The following VPS13B variants were observed in gnomAD, a reference collection of about 807,000 sequenced individuals.
The protein encoded by VPS13B is vacuolar protein sorting 13 homolog B, also known as intermembrane lipid transfer protein VPS13B.
In VPS13B, 285 loss-of-function variants were observed where a neutral mutation model predicts 426.4. That is an observed-to-expected ratio of 0.67 (90% CI 0.61 to 0.74). VPS13B has a LOEUF of 0.74. VPS13B is among the 30% of genes least tolerant of loss of function. The pLI is 0.00. For missense variants in VPS13B, 4,537 were observed against 4,782.6 expected, an observed-to-expected ratio of 0.95 and a Z score of 1.51; for synonymous variants, 1,676 against 1,676.4, an observed-to-expected ratio of 1.00 and a Z score of 0.01.
At chr8:99,428,715 C>T (rs867807235) in intron 21 of VPS13B, among the ~76,000 whole-genome samples, 6 of 152,186 alleles carry the variant, frequency 3.9e-5, no homozygotes, top group Middle Eastern at 3.2e-3. Flanking sequence ...TTGTGGAAGT[C>T]AGTGTGGTGA....
At chr8:99,511,862 G>A (rs577404847) in intron 29 of VPS13B, among the ~76,000 whole-genome samples, 29 of 152,246 alleles carry the variant, frequency 1.9e-4, no homozygotes, top group Non-Finnish European at 2.9e-4. Flanking sequence ...ACAAGGTCAA[G>A]CACAGTGGCT....
At chr8:99,264,079 C>G (rs1348620258) in intron 17 of VPS13B, among the ~76,000 whole-genome samples, 1 of 150,658 alleles carries the variant, frequency 6.6e-6, no homozygotes, top group Non-Finnish European at 1.5e-5. Flanking sequence ...TAATAACTGT[C>G]TTTTTTTTTG....
intron 43 of VPS13B, among the ~76,000 whole-genome samples, chr8:99,797,537 A>G (rs1812912144): frequency 6.6e-6 from 1 of 152,212 alleles, no homozygotes; most frequent in Admixed American, 6.5e-5. Flanking sequence ...ATATACACAG[A>G]AAAGAGGCAC....
chr8:99,512,062 C>T (rs574512457), intron 29 of VPS13B, among the ~76,000 whole-genome samples: 54 of 152,262 alleles, frequency 3.5e-4, no homozygotes, highest in Non-Finnish European at 6.8e-4. Flanking sequence ...TATTTGTATA[C>T]GAACCTTATA....
At chr8:99,546,541 G>T (rs978417417) in intron 30 of VPS13B, among the ~76,000 whole-genome samples, 4 of 151,966 alleles carry the variant, frequency 2.6e-5, no homozygotes, top group Non-Finnish European at 5.9e-5. Context: ...ATCAGCATCT[G>T]TAAAATGAAG....
At chr8:99,701,440 G>T (rs976034213) in intron 36 of VPS13B, among the ~76,000 whole-genome samples, 3 of 151,986 alleles carry the variant, frequency 2.0e-5, no homozygotes, top group Non-Finnish European at 2.9e-5. Flanking sequence ...TTATTCATTA[G>T]TTACTCATAT....
At chr8:99,404,900 C>T (rs987178613) in intron 21 of VPS13B, among the ~76,000 whole-genome samples, 2 of 152,154 alleles carry the variant, frequency 1.3e-5, no homozygotes, top group African/African-American at 4.8e-5. Flanking sequence ...AATGATAAAA[C>T]ACAATTCAGA....
intron 25 of VPS13B, among the ~76,000 whole-genome samples, chr8:99,496,541 C>G (rs1820892895): frequency 6.6e-6 from 1 of 152,080 alleles, no homozygotes; most frequent in Admixed American, 6.5e-5. Flanking sequence ...GTCCCAGCTA[C>G]TTCGGAGGCT....
At chr8:99,355,702 T>C (rs1264898613) in intron 19 of VPS13B, among the ~76,000 whole-genome samples, 4 of 152,240 alleles carry the variant, frequency 2.6e-5, no homozygotes, top group Non-Finnish European at 5.9e-5. Flanking sequence ...TTGTTCTAGC[T>C]GTGCCTTTTG....
At chr8:99,619,469 G>A (rs1474335877) in intron 33 of VPS13B, among the ~76,000 whole-genome samples, 1 of 152,202 alleles carries the variant, frequency 6.6e-6, no homozygotes, top group Non-Finnish European at 1.5e-5. Flanking sequence ...TTAAAATAGT[G>A]TAAATTTTGA....
chr8:99,137,204 T>C (rs563304335), intron 12 of VPS13B, among the ~76,000 whole-genome samples: 2 of 151,956 alleles, frequency 1.3e-5, no homozygotes, highest in Non-Finnish European at 2.9e-5. Flanking sequence ...ATTATTGTAT[T>C]ATTTTCTATT....
At chr8:99,084,968 G>A (rs1458623464) in intron 3 of VPS13B, among the ~76,000 whole-genome samples, 1 of 151,620 alleles carries the variant, frequency 6.6e-6, no homozygotes, top group Non-Finnish European at 1.5e-5. Context: ...TGTCTATTAG[G>A]TCTGCTTGGT....
chr8:99,145,862 T>A (rs1745587300), intron 13 of VPS13B, among the ~76,000 whole-genome samples: 1 of 151,842 alleles, frequency 6.6e-6, no homozygotes, highest in Non-Finnish European at 1.5e-5. Flanking sequence ...TTATTTTTTT[T>A]AAAGAAACTA....
intron 3 of VPS13B, chr8:99,091,803 C>G (rs1273129192): frequency 6.6e-6 from 1 of 152,188 alleles, no homozygotes; most frequent in Non-Finnish European, 1.5e-5. Context: ...TCCTAAAAGC[C>G]TTGTAGCAGT....
chr8:99,749,591 A>G (rs1810288672), intron 39 of VPS13B, among the ~76,000 whole-genome samples: 1 of 152,028 alleles, frequency 6.6e-6, no homozygotes. Flanking sequence ...TTTATGGCTG[A>G]GTAGTACTCC....
At chr8:99,540,009 TAAATTATATATATATATATATATATATA>T (rs1823476321) in intron 30 of VPS13B, among the ~76,000 whole-genome samples, 1 of 86,680 alleles carries the variant, frequency 1.2e-5, no homozygotes, top group African/African-American at 4.6e-5. Context: ...AATATATAAA[TAAATTATATATATATATATATATATATA>T]TATATATATA....
At chr8:99,696,795 ATGAGC>A in intron 35 of VPS13B, 2 of 1,411,318 alleles carry the variant, frequency 1.4e-6, no homozygotes, top group Non-Finnish European at 2.0e-6. Flanking sequence ...TTATTTGAGA[ATGAGC>A]TGACCCTGGA....
chr8:99,257,005 A>C (rs953931636), intron 17 of VPS13B, among the ~76,000 whole-genome samples: 4 of 152,184 alleles, frequency 2.6e-5, no homozygotes, highest in Non-Finnish European at 5.9e-5. Context: ...GGTATAGAGT[A>C]GTTTCATAGT....
rs576124857 is a variant in VPS13B at position 99,378,485 on chromosome 8, T to C, written c.2825-5723T>C. Among the ~76,000 whole-genome samples the C allele has an allele frequency of 2.0e-5, 3 of 152,318 alleles. No homozygotes were observed. In the South Asian group the frequency reaches 6.2e-4, roughly 32 times the overall value. On this transcript the variant is annotated intron_variant, in intron 19 of 61. Transcript: ENST00000357162. Reference sequence around the variant, plus strand: ...TAAAGTAAAGACAGGCATAGGAAATTGTAAGTATTGATTGGGGAAGTGATA... The same window carrying C: ...TAAAGTAAAGACAGGCATAGGAAATCGTAAGTATTGATTGGGGAAGTGATA...
Sources: gnomAD v4.1 joint callset for allele counts (sites outside exome capture counted in the v4.1 genomes callset) on GRCh38, gnomAD v4.1.1 for gene constraint, MANE v1.5 for transcripts, NCBI Gene and HGNC (gene_info 2026-07-23, HGNC 2026-07-21) for gene names.